The following SLC24A4 variants were observed in gnomAD, a reference collection of about 807,000 sequenced individuals.
SLC24A4 encodes the protein solute carrier family 24 member 4.
A neutral mutation model predicts 79.0 loss-of-function variants in SLC24A4; 53 were observed. That is an observed-to-expected ratio of 0.67 (90% CI 0.54 to 0.84). The LOEUF is 0.84. Ranked by LOEUF, SLC24A4 falls within the 40% of genes least tolerant of loss-of-function variation. The pLI is 0.00. For synonymous variants in SLC24A4, 323 were observed against 323.8 expected (o/e 1.00, Z 0.03); for missense variants, 731 against 822.0 (o/e 0.89, Z 1.35).
intron 2 of SLC24A4, among the ~76,000 whole-genome samples, chr14:92,392,920 G>A (rs1889559608): frequency 6.6e-6 from 1 of 152,140 alleles, no homozygotes; most frequent in Non-Finnish European, 1.5e-5. Flanking sequence ...CATCTATGAG[G>A]AACATCTCTT....
In SLC24A4 at chr14:92,490,243, T is replaced by C. The variant is rs752645364; in HGVS notation, c.1538-1422T>C. On this transcript the variant is annotated intron_variant, in intron 14 of 16. Transcript: ENST00000532405. This position sits in a 1 kb window ranked among gnomAD's most constrained non-coding sequence, Gnocchi z 4.3. The stretch of plus-strand genomic sequence containing the variant: ...TTTGTTCATTCCAAAAACATGTGTA[T>C]GTGTGCCAGGTTAGGACAGTGGTGT... Among the ~76,000 whole-genome samples the C allele has an allele frequency of 3.9e-5, 6 of 152,218 alleles. No homozygotes were observed. The highest frequency in any genetic ancestry group is 8.8e-5 in the Non-Finnish European group (6 of 68,044).
chr14:92,492,610 A>G (rs1330282437), intron 16 of SLC24A4, among the ~76,000 whole-genome samples: 1 of 152,090 alleles, frequency 6.6e-6, no homozygotes, highest in Admixed American at 6.5e-5. Context: ...AGGCCTCCCT[A>G]CCCTACATGT....
intron 2 of SLC24A4, among the ~76,000 whole-genome samples, chr14:92,402,697 G>A (rs1370695306): frequency 1.3e-5 from 2 of 152,118 alleles, no homozygotes; most frequent in Non-Finnish European, 2.9e-5. Flanking sequence ...TACATGGATG[G>A]CAGCAGGCAA....
At chr14:92,476,992 A>C (rs76797336) in intron 12 of SLC24A4, among the ~76,000 whole-genome samples, 88 of 152,314 alleles carry the variant, frequency 5.8e-4, no homozygotes, top group African/African-American at 2.0e-3. Context: ...TTGCTATTAT[A>C]AATAATGCTG....
At chr14:92,474,864 T>TATATATATATATATATATATATA (rs1491176639) in intron 12 of SLC24A4, among the ~76,000 whole-genome samples, 13 of 38,976 alleles carry the variant, frequency 3.3e-4, no homozygotes, top group Admixed American at 6.2e-4. Flanking sequence ...TATATATATA[T>TATATATATATATATATATATATA]TTTTTTTTTT....
At position 92,349,907 on chromosome 14, in the gene SLC24A4, A is replaced by G. The variant is rs539359683; in HGVS notation, c.241+23929A>G. Reference sequence around the variant, plus strand: ...GAGCTTTGTGGTTGTTTGTTTTCCTAAGAGGCCATTCCTATGGGTTTGGGG... The same window carrying G: ...GAGCTTTGTGGTTGTTTGTTTTCCTGAGAGGCCATTCCTATGGGTTTGGGG... On this transcript the variant is annotated intron_variant, in intron 2 of 16. Transcript: ENST00000532405. 2.7e-4 allele frequency among the ~76,000 whole-genome samples: 41 copies of G among 152,238 alleles called. No homozygotes were observed. In the South Asian group the frequency reaches 8.3e-3, roughly 31 times the overall value.
chr14:92,326,336 T>C (rs1885130520), intron 2 of SLC24A4, among the ~76,000 whole-genome samples: 2 of 152,190 alleles, frequency 1.3e-5, no homozygotes, highest in African/African-American at 4.8e-5. Context: ...TTACTGGAGC[T>C]CTCACGGTGG....
rs138016047 is a variant in SLC24A4, at chr14:92,482,802, G to A, written c.1378G>A (p.Ala460Thr). 4.5e-5 allele frequency: 73 copies of A among 1,613,906 alleles called. No homozygotes were observed. The highest frequency in any genetic ancestry group is 3.3e-4 in the Middle Eastern group (2 of 6,062). The stretch of plus-strand genomic sequence containing the variant: ...GTTCTTCATGGTCACCTTCATCACC[G>A]CCACGCTGTGGATCGCTGTGTTCTC... ...EKFFMVTFIT[A>T]TLWIAVFSYI... The change falls in exon 13 of 17, where the codon GCC becomes ACC. Residue 460 changes from alanine (A) to threonine (T), a missense_variant. Coordinates refer to ENST00000532405, the MANE Select transcript of SLC24A4 (RefSeq NM_153646.4).
At chr14:92,354,337 G>T (rs897400032) in intron 2 of SLC24A4, among the ~76,000 whole-genome samples, 1 of 151,944 alleles carries the variant, frequency 6.6e-6, no homozygotes, top group Non-Finnish European at 1.5e-5. Flanking sequence ...ATTTTCAGTA[G>T]AGACGGGGTT....
At chr14:92,431,891 C>T (rs1168396691) in intron 2 of SLC24A4, among the ~76,000 whole-genome samples, 2 of 152,230 alleles carry the variant, frequency 1.3e-5, no homozygotes, top group Non-Finnish European at 2.9e-5. Context: ...GCCAGACCGT[C>T]TCAGTGTTAG....
chr14:92,410,889 G>C (rs987352755), intron 2 of SLC24A4, among the ~76,000 whole-genome samples: 1 of 152,212 alleles, frequency 6.6e-6, no homozygotes, highest in African/African-American at 2.4e-5. Flanking sequence ...AAGCGTTATT[G>C]CAAGTTTGGT....
chr14:92,461,713 G>A (rs773181177), intron 12 of SLC24A4, among the ~76,000 whole-genome samples: 8 of 152,182 alleles, frequency 5.3e-5, no homozygotes, highest in Non-Finnish European at 1.0e-4. Flanking sequence ...ATTTGGAGGC[G>A]GGTAGGGGGA....
intron 2 of SLC24A4, among the ~76,000 whole-genome samples, chr14:92,387,608 C>T (rs1191879225): frequency 6.6e-6 from 1 of 152,174 alleles, no homozygotes; most frequent in Non-Finnish European, 1.5e-5. Flanking sequence ...AGTTCAGCAG[C>T]ATTAAGTACA....
intron 14 of SLC24A4, among the ~76,000 whole-genome samples, chr14:92,488,420 C>G (rs1440852898): frequency 3.3e-5 from 5 of 151,706 alleles, no homozygotes; most frequent in African/African-American, 1.2e-4. Context: ...AGAACTCACT[C>G]TAATTTAGTA....
rs534292160 is a variant in SLC24A4, at chr14:92,377,946, G to C, written c.241+51968G>C. ...CAGGGTGTTGATACCTAACAGAAAGGGGGGACGATGAAGGTCTGGGGGTGG... is the reference window on the plus strand; with the variant it reads ...CAGGGTGTTGATACCTAACAGAAAGCGGGGACGATGAAGGTCTGGGGGTGG... On this transcript the variant is annotated intron_variant, in intron 2 of 16. Transcript: ENST00000532405. 3.6e-4 allele frequency among the ~76,000 whole-genome samples: 55 copies of C among 152,024 alleles called. No homozygotes were observed. The South Asian group carries it at 7.1e-3, about 20-fold the overall frequency.
chr14:92,426,249 G>A (rs1234242862), intron 2 of SLC24A4, among the ~76,000 whole-genome samples: 2 of 152,116 alleles, frequency 1.3e-5, no homozygotes, highest in Admixed American at 1.3e-4. Flanking sequence ...TTCAGGAGTA[G>A]GTATTTGCAT....
intron 2 of SLC24A4, among the ~76,000 whole-genome samples, chr14:92,431,005 G>C (rs1287854114): frequency 6.6e-6 from 1 of 152,196 alleles, no homozygotes; most frequent in African/African-American, 2.4e-5. Context: ...GGAAGCCCAT[G>C]GGAGGAGAAG....
intron 10 of SLC24A4, chr14:92,450,435 A>T (rs1214474652): frequency 6.6e-6 from 1 of 152,456 alleles, no homozygotes; most frequent in Non-Finnish European, 1.5e-5. Context: ...GGTGCGGTCC[A>T]GGCCACAGCC....
intron 2 of SLC24A4, among the ~76,000 whole-genome samples, chr14:92,432,714 A>G (rs1891944386): frequency 1.3e-5 from 2 of 152,202 alleles, no homozygotes; most frequent in South Asian, 4.1e-4. Context: ...TCAAAGTGGG[A>G]ACATTTTCTG....
Sources: allele counts gnomAD v4.1 joint callset (sites outside exome capture counted in the v4.1 genomes callset), GRCh38; gene constraint gnomAD v4.1.1; non-coding constraint Gnocchi (gnomAD v3.1); transcripts MANE v1.5; gene names NCBI Gene and HGNC (gene_info 2026-07-23, HGNC 2026-07-21).